Variants in RGS5 observed in about 807,000 individuals in gnomAD.
RGS5 encodes regulator of G protein signaling 5.
Under a neutral mutation model 18.9 loss-of-function variants are expected in RGS5, and 20 were observed. That is an observed-to-expected ratio of 1.06 (90% CI 0.74 to 1.54). The LOEUF (loss-of-function observed/expected upper bound fraction) is 1.54. RGS5 is among the 40% of genes most tolerant of loss of function. RGS5 has a pLI of 0.00. For synonymous variants in RGS5, 57 were observed against 76.2 expected, an observed-to-expected ratio of 0.75 and a Z score of 1.31; for missense variants, 201 against 211.8, an observed-to-expected ratio of 0.95 and a Z score of 0.32.
chr1:163,172,576 T>C (rs913772702), intron 1 of RGS5: 19 of 1,549,736 alleles, frequency 1.2e-5, no homozygotes, highest in Non-Finnish European at 1.7e-5. Flanking sequence ...CAGGTTACTC[T>C]TTTCCTCATA....
In RGS5 at chr1:163,145,861, A is replaced by G. The variant is rs1240873383; in HGVS notation, c.*1481T>C. 1 of 152,184 alleles carries G rather than the reference A, an allele frequency of 6.6e-6. No individual in the cohort carries two copies. The highest frequency in any genetic ancestry group is 1.5e-5 in the Non-Finnish European group (1 of 68,030). 9.4% of individuals were successfully genotyped at this position (152,184 alleles called of 1,614,324 possible). A position where few individuals can be genotyped will look rare whatever the true frequency, so the allele number is the denominator to read the frequency against. On this transcript the variant is annotated 3_prime_UTR_variant, in exon 5 of 5. Transcript: ENST00000313961. ...TGTGTGAATGAAAGAGAGCAACAGA[A>G]GGAGGAAATACAAGACTAGACAATG... is the stretch of plus-strand genomic sequence containing the variant.
chr1:163,240,949 A>G (rs886575390), intron 2 of RGS5, among the ~76,000 whole-genome samples: 1 of 152,028 alleles, frequency 6.6e-6, no homozygotes, highest in Non-Finnish European at 1.5e-5. Flanking sequence ...TTGTTCCTCA[A>G]ACCCGCCAAC....
intron 2 of RGS5, among the ~76,000 whole-genome samples, chr1:163,243,270 A>G (rs986555748): frequency 2.0e-5 from 3 of 152,164 alleles, no homozygotes; most frequent in Non-Finnish European, 2.9e-5. Flanking sequence ...GGAGGGGAAC[A>G]TCACACACTG....
intron 2 of RGS5, among the ~76,000 whole-genome samples, chr1:163,288,819 A>T (rs2101723944): frequency 6.6e-6 from 1 of 152,246 alleles, no homozygotes; most frequent in Non-Finnish European, 1.5e-5. Context: ...GTTCAAATGG[A>T]ATTTATTGTT....
In RGS5 at chr1:163,144,439, T is replaced by A. The variant is rs932528130; in HGVS notation, c.*2903A>T. The A allele has an allele frequency of 1.3e-5, 2 of 152,262 alleles. No individual in the cohort carries two copies. Among genetic ancestry groups the A allele is most frequent in the African/African-American group, 4.8e-5 (2 of 41,432 alleles). The allele number at this position is 152,262 out of a possible 1,614,324, so 9.4% of individuals were successfully genotyped here. A position where few individuals can be genotyped will look rare whatever the true frequency, so the allele number is the denominator to read the frequency against. On this transcript the variant is annotated 3_prime_UTR_variant, in exon 5 of 5. Coordinates refer to ENST00000313961, the MANE Select transcript of RGS5 (RefSeq NM_003617.4). The stretch of plus-strand genomic sequence containing the variant: ...AGTTACAGGCAACTACCTGGGCTAA[T>A]CTTAGGTTTTTTTCTCAAGAGTGAG...
intron 2 of RGS5, among the ~76,000 whole-genome samples, chr1:163,239,590 T>C (rs1647730781): frequency 6.6e-6 from 1 of 151,984 alleles, no homozygotes; most frequent in African/African-American, 2.4e-5. Context: ...ACATTTTAAA[T>C]AAGGCTAGTT....
chr1:163,168,150 T>C lies in RGS5; in HGVS notation c.155+108A>G, dbSNP rs1028892968. 66 of 797,476 alleles carry C rather than the reference T, an allele frequency of 8.3e-5. 2 individuals are homozygous for C. In the African/African-American group the frequency reaches 9.3e-4, roughly 11 times the overall value. 49.4% of individuals were successfully genotyped at this position (797,476 alleles called of 1,614,324 possible). A position where few individuals can be genotyped will look rare whatever the true frequency, so the allele number is the denominator to read the frequency against. ...AACTCTCTGAGGGCTCTTATGATCC[T>C]TAATGAGTAATTGAAGGGGGTAGTT... On this transcript the variant is annotated intron_variant, in intron 2 of 4. Transcript: ENST00000313961.
intron 2 of RGS5, among the ~76,000 whole-genome samples, chr1:163,231,297 T>C (rs990476921): frequency 6.6e-6 from 1 of 152,128 alleles, no homozygotes; most frequent in African/African-American, 2.4e-5. Flanking sequence ...ACAAAACCCA[T>C]GAAATAACCA....
At position 163,143,296 on chromosome 1, in the gene RGS5, C is replaced by T. The variant is rs756029572; in HGVS notation, c.*4046G>A. 11 of 152,176 alleles carry T rather than the reference C, an allele frequency of 7.2e-5. No individual in the cohort carries two copies. The highest frequency in any genetic ancestry group is 1.5e-4 in the Non-Finnish European group (10 of 68,030). The allele number at this position is 152,176 out of a possible 1,614,324, so 9.4% of individuals were successfully genotyped here. A position where few individuals can be genotyped will look rare whatever the true frequency, so the allele number is the denominator to read the frequency against. On this transcript the variant is annotated 3_prime_UTR_variant, in exon 5 of 5. Transcript: ENST00000313961. ...TTAATAGCAGTTGAGCCAGCATAAACCAAGATGCACCAAACTTCATGTCCA... is the reference window on the plus strand; with the variant it reads ...TTAATAGCAGTTGAGCCAGCATAAATCAAGATGCACCAAACTTCATGTCCA...
chr1:163,289,391 T>A (rs1649222540), intron 2 of RGS5, among the ~76,000 whole-genome samples: 1 of 152,120 alleles, frequency 6.6e-6, no homozygotes, highest in Non-Finnish European at 1.5e-5. Flanking sequence ...TTGTATACTC[T>A]ATCATTGTAC....
At chr1:163,155,810 G>A (rs1161594308) in intron 3 of RGS5, among the ~76,000 whole-genome samples, 1 of 152,008 alleles carries the variant, frequency 6.6e-6, no homozygotes, top group East Asian at 1.9e-4. Flanking sequence ...ACAGAGCGTC[G>A]GAGTACCTCT....
chr1:163,147,574 T>A, intron 4 of RGS5, 71 bp from the exon 5 acceptor site: 1 of 1,313,444 alleles, frequency 7.6e-7, no homozygotes, highest in Non-Finnish European at 1.0e-6. Flanking sequence ...AAGAGGGAGG[T>A]GGAATTTCTC....
chr1:163,319,325 G>C (rs1450241441), intron 1 of RGS5: 1 of 152,144 alleles, frequency 6.6e-6, no homozygotes, highest in Non-Finnish European at 1.5e-5. Context: ...AATTAGAAAG[G>C]CAATAGACAC....
chr1:163,228,032 G>T (rs1054209146), intron 2 of RGS5, among the ~76,000 whole-genome samples: 2 of 152,224 alleles, frequency 1.3e-5, no homozygotes, highest in African/African-American at 4.8e-5. Context: ...TTCACAGGGG[G>T]GCATTGAATG....
chr1:163,309,198 GA>G (rs886293500), intron 1 of RGS5, among the ~76,000 whole-genome samples: 46 of 151,462 alleles, frequency 3.0e-4, no homozygotes, highest in Non-Finnish European at 5.3e-4. Context: ...TTGGGTGACA[GA>G]AAAAAAAGCG....
At chr1:163,147,923 T>TTTTCTTTTTC (rs1450642560) in intron 4 of RGS5, among the ~76,000 whole-genome samples, 10 of 132,642 alleles carry the variant, frequency 7.5e-5, no homozygotes, top group Admixed American at 3.8e-4. Flanking sequence ...TTTTTCTTTT[T>TTTTCTTTTTC]TTTTTTTTTT....
chr1:163,187,454 A>C (rs966376355), intron 1 of RGS5, among the ~76,000 whole-genome samples: 2 of 152,176 alleles, frequency 1.3e-5, no homozygotes, highest in African/African-American at 4.8e-5. Flanking sequence ...CTCAGGAAAC[A>C]GAATCTCTTT....
At chr1:163,244,980 TC>T (rs1364043134) in intron 2 of RGS5, 1 of 152,178 alleles carries the variant, frequency 6.6e-6, no homozygotes, top group Non-Finnish European at 1.5e-5. Flanking sequence ...CCCATTCTTC[TC>T]CCTGGCTTCC....
At chr1:163,147,922 T>TTTTTCTTC (rs771123131) in intron 4 of RGS5, among the ~76,000 whole-genome samples, 6 of 132,606 alleles carry the variant, frequency 4.5e-5, no homozygotes, top group Admixed American at 1.5e-4. Context: ...CTTTTTCTTT[T>TTTTTCTTC]TTTTTTTTTT....
Sources: allele counts gnomAD v4.1 joint callset (sites outside exome capture counted in the v4.1 genomes callset), GRCh38; gene constraint gnomAD v4.1.1; transcripts MANE v1.5; gene names NCBI Gene and HGNC (gene_info 2026-07-23, HGNC 2026-07-21).